GUCY2C: variants seen among roughly 807,000 people sequenced by gnomAD.
The protein encoded by GUCY2C is guanylate cyclase 2C, also known as guanylyl cyclase C.
In GUCY2C, 118 loss-of-function variants were observed where a neutral mutation model predicts 131.1. The ratio of observed to expected loss-of-function variants is 0.90; its 90% CI spans 0.78 to 1.05. The LOEUF (loss-of-function observed/expected upper bound fraction) is 1.05, where lower values mean the gene tolerates loss of function less well. GUCY2C is among the 50% of genes least tolerant of loss of function. GUCY2C has a pLI of 0.00. For missense variants in GUCY2C, 1,161 were observed against 1,304.4 expected, an observed-to-expected ratio of 0.89 and a Z score of 1.69; for synonymous variants, 452 against 457.8, an observed-to-expected ratio of 0.99 and a Z score of 0.16.
At chr12:14,662,966 AC>A (rs1228633365) in intron 10 of GUCY2C, among the ~76,000 whole-genome samples, 1 of 152,216 alleles carries the variant, frequency 6.6e-6, no homozygotes, top group Non-Finnish European at 1.5e-5. Context: ...ATAGGACAAC[AC>A]TAGAAGCTCA....
intron 1 of GUCY2C, among the ~76,000 whole-genome samples, chr12:14,693,241 GGGTT>G (rs1948604653): frequency 6.6e-6 from 1 of 151,970 alleles, no homozygotes; most frequent in Non-Finnish European, 1.5e-5. Context: ...TTTAAGGATG[GGGTT>G]GGACCAACGT....
At chr12:14,692,358 TTTTC>T (rs1314619760) in intron 1 of GUCY2C, among the ~76,000 whole-genome samples, 1 of 152,230 alleles carries the variant, frequency 6.6e-6, no homozygotes. Context: ...GCTTTGTTTT[TTTTC>T]TTTTTTGGCT....
intron 4 of GUCY2C, among the ~76,000 whole-genome samples, chr12:14,682,238 C>A (rs900026637): frequency 6.6e-6 from 1 of 152,124 alleles, no homozygotes; most frequent in Non-Finnish European, 1.5e-5. Flanking sequence ...CCCATAATCC[C>A]AATAATCCCC....
Position 14,651,831 on chromosome 12 carries a change from A to C in GUCY2C, c.1605+128T>G, listed in dbSNP as rs1217901811. The C allele has an allele frequency of 5.0e-6, 3 of 602,030 alleles. No homozygotes were observed. The Admixed American group carries it at 9.8e-5, about 20-fold the overall frequency. The allele number at this position is 602,030 out of a possible 1,614,324, so 37.3% of individuals were successfully genotyped here. On this transcript the variant is annotated intron_variant, in intron 14 of 26. Transcript: ENST00000261170. ...AATATCTCTTGGTAGAATTTTCAAC[A>C]AGAAATATAGTCACCATTTCTTGGC...
intron 10 of GUCY2C, among the ~76,000 whole-genome samples, 179 bp downstream of exon 10, chr12:14,669,543 A>G (rs1016443314): frequency 2.6e-5 from 4 of 152,136 alleles, no homozygotes; most frequent in African/African-American, 7.2e-5. Context: ...CAGAACTATA[A>G]TATCATTCAT....
Position 14,641,215 on chromosome 12 carries a change from C to T in GUCY2C, c.1935G>A (p.Leu645=), listed in dbSNP as rs1235118304. ...GGCGGAGGTGCTCTGGAGCTGTCCACAGGTCTGTAAATGTAGACATTGAGA... is the reference window on the plus strand; with the variant it reads ...GGCGGAGGTGCTCTGGAGCTGTCCATAGGTCTGTAAATGTAGACATTGAGA... ...CNSILPPKKD[L]WTAPEHLRQA... Residue 645 remains leucine, a synonymous_variant, in exon 18 of 27, where the codon CTG becomes CTA. Coordinates refer to ENST00000261170, the MANE Select transcript of GUCY2C (RefSeq NM_004963.4). The T allele has an allele frequency of 6.2e-7, 1 of 1,613,282 alleles. No homozygotes were observed. Among genetic ancestry groups the T allele is most frequent in the Admixed American group, 1.7e-5 (1 of 60,016 alleles).
Position 14,613,385 on chromosome 12 carries a change from C to T in GUCY2C, c.3048-94G>A. On this transcript the variant is annotated intron_variant, in intron 26 of 26. Transcript: ENST00000261170. The surrounding 1 kb of genome is among the most constrained non-coding windows in gnomAD (Gnocchi z 4.9). The stretch of plus-strand genomic sequence containing the variant: ...AATAATCAGTTCAGTTAGTCAGTTA[C>T]TCTTTGAATGCCTATTCTGTGCTAG... The T allele has an allele frequency of 1.1e-6, 1 of 902,144 alleles. No homozygotes were observed. Among genetic ancestry groups the T allele is most frequent in the Non-Finnish European group, 1.8e-6 (1 of 552,216 alleles). The allele number at this position is 902,144 out of a possible 1,614,324, so 55.9% of individuals were successfully genotyped here.
chr12:14,648,400 C>T (rs965270037), intron 15 of GUCY2C, among the ~76,000 whole-genome samples: 4 of 152,080 alleles, frequency 2.6e-5, no homozygotes, highest in African/African-American at 4.8e-5. Flanking sequence ...ATGCTTGTAT[C>T]CTTCCTTCAT....
intron 1 of GUCY2C, among the ~76,000 whole-genome samples, chr12:14,689,209 G>A (rs1948532097): frequency 6.6e-6 from 1 of 152,144 alleles, no homozygotes; most frequent in Non-Finnish European, 1.5e-5. Flanking sequence ...GATGTATTTT[G>A]AAGGTAGGAA....
At chr12:14,630,281 C>T (rs1335601592) in intron 19 of GUCY2C, among the ~76,000 whole-genome samples, 1 of 151,904 alleles carries the variant, frequency 6.6e-6, no homozygotes, top group Non-Finnish European at 1.5e-5. Context: ...CCAATATTCA[C>T]CACTAGATGA....
intron 22 of GUCY2C, among the ~76,000 whole-genome samples, chr12:14,621,758 C>T (rs970555146): frequency 2.0e-5 from 3 of 152,140 alleles, no homozygotes; most frequent in African/African-American, 7.2e-5. Flanking sequence ...AAATTTAATA[C>T]TTCAAATTAA....
chr12:14,620,056 T>C (rs1446718153), intron 23 of GUCY2C, among the ~76,000 whole-genome samples: 1 of 152,196 alleles, frequency 6.6e-6, no homozygotes, highest in Non-Finnish European at 1.5e-5. Flanking sequence ...TTCATCTAGA[T>C]GACTTCTGAG....
At chr12:14,647,546 C>T in intron 15 of GUCY2C, among the ~76,000 whole-genome samples, 1 of 152,008 alleles carries the variant, frequency 6.6e-6, no homozygotes. Flanking sequence ...TTTCAGCTTC[C>T]AAAAGTTTAA....
intron 12 of GUCY2C, among the ~76,000 whole-genome samples, chr12:14,653,693 G>A (rs1337734091): frequency 6.6e-6 from 1 of 152,116 alleles, no homozygotes; most frequent in African/African-American, 2.4e-5. Flanking sequence ...GGGAACAATT[G>A]CATCTTTTGA....
intron 18 of GUCY2C, among the ~76,000 whole-genome samples, chr12:14,640,398 A>G (rs1174365680): frequency 6.6e-6 from 1 of 150,694 alleles, no homozygotes; most frequent in Non-Finnish European, 1.5e-5. Flanking sequence ...CAGAGGTTGC[A>G]ATGAGCCAAG....
chr12:14,618,089 G>T (rs1270980781), intron 24 of GUCY2C, among the ~76,000 whole-genome samples: 1 of 152,094 alleles, frequency 6.6e-6, no homozygotes, highest in East Asian at 1.9e-4. Flanking sequence ...TATTTCTACT[G>T]CTACCACTGT....
chr12:14,644,323 G>A (rs548693928), intron 16 of GUCY2C, among the ~76,000 whole-genome samples: 38 of 152,194 alleles, frequency 2.5e-4, no homozygotes, highest in African/African-American at 8.7e-4. Flanking sequence ...CTGAGATCGC[G>A]CCACTGTACT....
intron 17 of GUCY2C, 48 bp downstream of exon 17, chr12:14,643,497 CAATTTCCTGACCACGCTACATGGGTTTGA>C: frequency 1.5e-6 from 2 of 1,365,164 alleles, no homozygotes; most frequent in Non-Finnish European, 2.1e-6. Flanking sequence ...ATCAGTATTA[CAATTTCCTGACCACGCTACATGGGTTTGA>C]AAAAAAAATC....
Position 14,628,700 on chromosome 12 carries a change from G to A in GUCY2C, c.2195C>T (p.Pro732Leu), listed in dbSNP as rs746626557. ...TTTTTTGAAATCTGGTCTCTTTTCT[G>A]GATCTTCCTCCCAACAGTTTTTTAC... is the stretch of plus-strand genomic sequence containing the variant. ...LLVKNCWEED[P>L]EKRPDFKKIE... Residue 732 changes from proline (P) to leucine (L), a missense_variant, in exon 20 of 27, where the codon CCA becomes CTA. Coordinates refer to ENST00000261170, the MANE Select transcript of GUCY2C (RefSeq NM_004963.4). 8 of 1,602,896 alleles carry A rather than the reference G, an allele frequency of 5.0e-6. No homozygotes were observed. The highest frequency in any genetic ancestry group is 4.3e-6 in the Non-Finnish European group (5 of 1,170,140).
Sources: allele counts gnomAD v4.1 joint callset (sites outside exome capture counted in the v4.1 genomes callset), GRCh38; gene constraint gnomAD v4.1.1; non-coding constraint Gnocchi (gnomAD v3.1); transcripts MANE v1.5; gene names NCBI Gene and HGNC (gene_info 2026-07-23, HGNC 2026-07-21).